SDK1: variants seen among roughly 807,000 people sequenced by gnomAD.
SDK1 encodes protein sidekick-1.
A neutral mutation model predicts 245.5 loss-of-function variants in SDK1; 157 were observed. The ratio of observed to expected loss-of-function variants is 0.64; its 90% confidence interval spans 0.56 to 0.73. The LOEUF (loss-of-function observed/expected upper bound fraction) is 0.73. Among genes scored for constraint, SDK1 ranks in the 30% least tolerant of loss-of-function variants. The pLI, the probability that SDK1 is intolerant of heterozygous loss-of-function variation, is 0.00. For missense variants in SDK1, 3,583 were observed against 3,002.3 expected, an observed-to-expected ratio of 1.19 and a Z score of -4.52; for synonymous variants, 1,647 against 1,278.5, an observed-to-expected ratio of 1.29 and a Z score of -6.15.
intron 4 of SDK1, among the ~76,000 whole-genome samples, chr7:3,762,238 G>A (rs1399912864): frequency 2.0e-5 from 3 of 151,184 alleles, no homozygotes; most frequent in Non-Finnish European, 4.4e-5. Flanking sequence ...GGGACATTCT[G>A]GGTCTCCTAT....
At chr7:3,477,308 G>C (rs796168786) in intron 1 of SDK1, among the ~76,000 whole-genome samples, 2 of 140,182 alleles carry the variant, frequency 1.4e-5, no homozygotes, top group Non-Finnish European at 3.0e-5. Flanking sequence ...CCATTCTCCT[G>C]CCTCAGCCTC....
At chr7:4,246,539 T>A (rs890626116) in intron 44 of SDK1, among the ~76,000 whole-genome samples, 7 of 152,140 alleles carry the variant, frequency 4.6e-5, no homozygotes, top group African/African-American at 1.7e-4. Context: ...CTTTACCAGA[T>A]AGGAGCTTCC....
At chr7:4,110,902 C>G (rs1378525864) in intron 23 of SDK1, 130 bp downstream of exon 23, 1 of 675,080 alleles carries the variant, frequency 1.5e-6, no homozygotes, top group Non-Finnish European at 2.7e-6. Context: ...ATAACAGTAC[C>G]TAAAAGCCTT....
At chr7:3,746,612 C>G (rs1482146559) in intron 4 of SDK1, among the ~76,000 whole-genome samples, 1 of 152,226 alleles carries the variant, frequency 6.6e-6, no homozygotes, top group Non-Finnish European at 1.5e-5. Flanking sequence ...AGTGCCTCCA[C>G]CAGGAGTAGG....
chr7:3,510,596 A>G (rs1201911733), intron 1 of SDK1, among the ~76,000 whole-genome samples: 1 of 152,216 alleles, frequency 6.6e-6, no homozygotes, highest in Non-Finnish European at 1.5e-5. Context: ...ATACAGGCTC[A>G]GAGAATGGCC....
intron 11 of SDK1, among the ~76,000 whole-genome samples, chr7:3,971,064 C>G (rs997822376): frequency 3.3e-5 from 5 of 152,176 alleles, no homozygotes; most frequent in Non-Finnish European, 7.3e-5. Flanking sequence ...GGAATAAACA[C>G]AACTCAAACA....
chr7:3,941,693 G>A (rs1005934235), intron 5 of SDK1, among the ~76,000 whole-genome samples: 11 of 152,114 alleles, frequency 7.2e-5, no homozygotes, highest in Admixed American at 1.3e-4. Context: ...TCGTAGCTCC[G>A]CCACAATGTG....
At chr7:3,307,481 T>C (rs953101124) in intron 1 of SDK1, among the ~76,000 whole-genome samples, 3 of 152,228 alleles carry the variant, frequency 2.0e-5, no homozygotes, top group African/African-American at 7.2e-5. Flanking sequence ...CTTCATTATG[T>C]GAACAGTGTT....
At chr7:4,153,642 T>C (rs779906985) in intron 30 of SDK1, among the ~76,000 whole-genome samples, 3 of 152,160 alleles carry the variant, frequency 2.0e-5, no homozygotes, top group Non-Finnish European at 4.4e-5. Context: ...GAGCTTGATA[T>C]TCTTTGTGAT....
At chr7:3,461,988 C>A (rs551452946) in intron 1 of SDK1, among the ~76,000 whole-genome samples, 1 of 152,172 alleles carries the variant, frequency 6.6e-6, no homozygotes, top group Non-Finnish European at 1.5e-5. Context: ...AAAAGAACCA[C>A]GACCTCCCCT....
chr7:3,400,150 A>C (rs1019102363), intron 1 of SDK1, among the ~76,000 whole-genome samples: 2 of 151,624 alleles, frequency 1.3e-5, no homozygotes, highest in African/African-American at 4.8e-5. Context: ...ACATTTTCAC[A>C]TTGTTAGGGA....
At chr7:3,951,300 G>A (rs577024813) in intron 6 of SDK1, among the ~76,000 whole-genome samples, 11 of 152,300 alleles carry the variant, frequency 7.2e-5, no homozygotes, top group African/African-American at 2.6e-4. Flanking sequence ...CTCTAGGGAA[G>A]AGAGAGGAGT....
chr7:3,349,897 C>T (rs908332773), intron 1 of SDK1, among the ~76,000 whole-genome samples: 6 of 152,134 alleles, frequency 3.9e-5, no homozygotes, highest in South Asian at 2.1e-4. Context: ...CCACCGTGCC[C>T]GGCCTAAGAG....
rs374897919 is a variant in SDK1 at position 3,825,588 on chromosome 7, C to T, written c.847+4005C>T. ...ATTTGCAGATAGGATATCATTTCAG[C>T]TGATCCTCCTTCAGGCTGACAAACC... On this transcript the variant is annotated intron_variant, in intron 5 of 44. Transcript: ENST00000404826. Among the ~76,000 whole-genome samples, 22 of 152,320 alleles carry T rather than the reference C, an allele frequency of 1.4e-4. No individual in the cohort carries two copies. The East Asian group carries it at 3.9e-3, about 27-fold the overall frequency.
chr7:3,391,364 G>T (rs1781744389), intron 1 of SDK1, among the ~76,000 whole-genome samples: 1 of 152,114 alleles, frequency 6.6e-6, no homozygotes, highest in African/African-American at 2.4e-5. Context: ...AACACACTTT[G>T]AATGTAAGCA....
intron 28 of SDK1, among the ~76,000 whole-genome samples, chr7:4,133,796 A>G (rs1277913717): frequency 6.6e-6 from 1 of 152,204 alleles, no homozygotes; most frequent in African/African-American, 2.4e-5. Context: ...CCCCAGCCCC[A>G]GGTTAGCTCT....
chr7:4,134,122 C>T (rs982951316), intron 28 of SDK1, among the ~76,000 whole-genome samples: 2 of 152,054 alleles, frequency 1.3e-5, no homozygotes, highest in African/African-American at 4.8e-5. Context: ...TTTATTGAGC[C>T]CTTGCTTCCC....
In SDK1 at chr7:4,174,265, G is replaced by A; in HGVS notation, c.4844G>A (p.Arg1615Lys). Residue 1615 changes from arginine (R) to lysine (K), a missense_variant, in exon 33 of 45, where the codon AGG (arginine) becomes AAG (lysine). Arg to Lys is a conservative substitution (Grantham distance 26, BLOSUM62 2). Coordinates refer to ENST00000404826, the MANE Select transcript of SDK1 (RefSeq NM_152744.4). Reference sequence around the variant, plus strand: ...CTGAATGGCCTTCTTCAGGGATACAGGATCTACTACAGGGAGCTGGAGTAT... The same window carrying A: ...CTGAATGGCCTTCTTCAGGGATACAAGATCTACTACAGGGAGCTGGAGTAT... ...ESLNGLLQGYRIYYRELEYEA... is the reference protein window; with the variant it reads ...ESLNGLLQGYKIYYRELEYEA... 6.2e-6 allele frequency: 10 copies of A among 1,614,086 alleles called. No individual in the cohort carries two copies. Among genetic ancestry groups the A allele is most frequent in the Non-Finnish European group, 8.5e-6 (10 of 1,179,948 alleles).
chr7:3,345,293 A>G (rs915388436), intron 1 of SDK1, among the ~76,000 whole-genome samples: 2 of 152,214 alleles, frequency 1.3e-5, no homozygotes, highest in African/African-American at 4.8e-5. Flanking sequence ...TATCTTCAAA[A>G]GAATACATTG....
Sources: allele counts gnomAD v4.1 joint callset (sites outside exome capture counted in the v4.1 genomes callset), GRCh38; gene constraint gnomAD v4.1.1; transcripts MANE v1.5; gene names NCBI Gene and HGNC (gene_info 2026-07-23, HGNC 2026-07-21).